Variants in MED12 observed in about 807,000 individuals in gnomAD.
The protein encoded by MED12 is mediator complex subunit 12.
A neutral mutation model predicts 177.7 loss-of-function variants in MED12; 10 were observed. The observed-to-expected ratio is 0.06, with a 90% CI of 0.03 to 0.10. MED12 has a LOEUF of 0.10. Ranked by LOEUF, MED12 falls within the 10% of genes least tolerant of loss-of-function variation. MED12 has a pLI of 1.00. For synonymous variants in MED12, 641 were observed against 678.4 expected (o/e 0.94, Z 0.86); for missense variants, 867 against 1,780.8 (o/e 0.49, Z 9.23).
chrX:71,130,956 G>A lies in MED12; in HGVS notation c.4048-594G>A, dbSNP rs550189185. Among the ~76,000 whole-genome samples, 92 of 112,232 alleles carry A rather than the reference G, an allele frequency of 8.2e-4. 1 individual carries two copies. The South Asian group carries it at 0.015, about 19-fold the overall frequency. ...AAGGTTCTGTCAGGGACTTTGAGCA[G>A]CTGGTCTAAAACAAGAGAAGCAGGC... On this transcript the variant is annotated intron_variant, in intron 28 of 44. Coordinates refer to ENST00000374080, the MANE Select transcript of MED12 (RefSeq NM_005120.3).
Position 71,126,095 on chromosome X carries a change from G to A in MED12, c.2482G>A (p.Asp828Asn). The change falls in exon 18 of 45, where the codon GAT (aspartate) becomes AAT (asparagine). Residue 828 changes from aspartate (D) to asparagine (N), a missense_variant. By Grantham distance (23) the Asp-to-Asn change is conservative. Transcript: ENST00000374080. ...GCCTGAAGCCTTCCCCACTGCTGAA[G>A]ATATCTTTGCTAAGTTCCAGCACCT... is the stretch of plus-strand genomic sequence containing the variant. ...NRPEAFPTAE[D>N]IFAKFQHLSH... The A allele has an allele frequency of 8.3e-7, 1 of 1,211,846 alleles. No homozygotes were observed. The highest frequency in any genetic ancestry group is 1.1e-6 in the Non-Finnish European group (1 of 895,361).
At chrX:71,138,767 A>G (rs1395632670) in intron 41 of MED12, among the ~76,000 whole-genome samples, 1 of 110,469 alleles carries the variant, frequency 9.1e-6, no homozygotes, top group Non-Finnish European at 1.9e-5. Context: ...AAAAAAAAGA[A>G]GAAAGAAAAG....
rs1569482033 is a variant in MED12 at position 71,133,230 on chromosome X, G to A, written c.4617+18G>A. ...TCAACCTGGTGAGAAGGCCAGCTGG[G>A]GAGAAGAAGGAAGAGGGTAGGGCTG... On this transcript the variant is annotated intron_variant, in intron 33 of 44. Coordinates refer to ENST00000374080, the MANE Select transcript of MED12 (RefSeq NM_005120.3). 1.8e-6 allele frequency: 2 copies of A among 1,102,874 alleles called. No homozygotes were observed. Among genetic ancestry groups the A allele is most frequent in the Non-Finnish European group, 2.5e-6 (2 of 796,491 alleles). 90.9% of individuals were successfully genotyped at this position (1,102,874 alleles called of 1,213,427 possible).
In MED12 at chrX:71,134,483, C is replaced by G. The variant is rs748703121; in HGVS notation, c.4727+17C>G. The G allele has an allele frequency of 9.7e-7, 1 of 1,035,654 alleles. No individual in the cohort carries two copies. Among genetic ancestry groups the G allele is most frequent in the South Asian group, 2.0e-5 (1 of 50,103 alleles). 85.3% of individuals were successfully genotyped at this position (1,035,654 alleles called of 1,213,427 possible). ...GTCCAACAAGTAAAGCATCCCCACCCGCTCCCTGCAGTTTCATACCCAAGA... is the reference window on the plus strand; with the variant it reads ...GTCCAACAAGTAAAGCATCCCCACCGGCTCCCTGCAGTTTCATACCCAAGA... On this transcript the variant is annotated intron_variant, in intron 34 of 44. Coordinates refer to ENST00000374080, the MANE Select transcript of MED12 (RefSeq NM_005120.3).
chrX:71,139,471 C>T (rs775232430), intron 41 of MED12, among the ~76,000 whole-genome samples: 1 of 110,800 alleles, frequency 9.0e-6, no homozygotes, highest in South Asian at 3.8e-4. Context: ...GAGAGATGGC[C>T]TTGAATGCTC....
At chrX:71,135,952 C>T (rs2092331161) in intron 36 of MED12, among the ~76,000 whole-genome samples, 1 of 109,200 alleles carries the variant, frequency 9.2e-6, no homozygotes, top group Non-Finnish European at 1.9e-5. Flanking sequence ...CAATCCCTCT[C>T]CCTCCCCGCT....
At chrX:71,125,279 G>A in intron 15 of MED12, 72 bp from the exon 16 acceptor site, 1 of 1,201,440 alleles carries the variant, frequency 8.3e-7, no homozygotes. Flanking sequence ...GGATGCTGAG[G>A]GGTGTGGAGC....
chrX:71,126,916 C>A, intron 19 of MED12, 53 bp from the exon 20 acceptor site: 1 of 1,165,690 alleles, frequency 8.6e-7, no homozygotes, highest in Non-Finnish European at 1.2e-6. Context: ...AAGGTGGTTT[C>A]TATGTAACAC....
In MED12 at chrX:71,140,717, C is replaced by T. The variant is rs1187648751; in HGVS notation, c.6127C>T (p.Arg2043Cys). The T allele has an allele frequency of 4.1e-6, 5 of 1,211,151 alleles. No homozygotes were observed. The highest frequency in any genetic ancestry group is 4.5e-6 in the Non-Finnish European group (4 of 895,414). Residue 2043 changes from arginine (R) to cysteine (C), a missense_variant, in exon 42 of 45, where the codon CGT becomes TGT. This residue lies in a region of MED12 where 236 missense variants were observed against 345.2 expected (regional missense o/e 0.68). Coordinates refer to ENST00000374080, the MANE Select transcript of MED12 (RefSeq NM_005120.3). ...TGCCCAGGGCGTCCAGGCAGGCGTC[C>T]GTTCAACAGCCATCCTACCTGAGCA... ...MSAQGVQAGV[R>C]STAILPEQQQ...
chrX:71,137,178 C>T lies in MED12; in HGVS notation c.5552-9C>T. On this transcript the variant is annotated splice_polypyrimidine_tract_variant and intron_variant, in intron 38 of 44. Transcript: ENST00000374080. ...AGGAGCCTAGAGGTCAGCCCACTCT[C>T]CTTTTCAGGTGGCCCTCGTGTGGAC... 8.3e-7 allele frequency: 1 copy of T among 1,211,468 alleles called. No homozygotes were observed. Among genetic ancestry groups the T allele is most frequent in the African/African-American group, 1.7e-5 (1 of 57,838 alleles).
chrX:71,129,926 C>A, intron 27 of MED12, 71 bp downstream of exon 27: 1 of 1,178,043 alleles, frequency 8.5e-7, no homozygotes, highest in South Asian at 1.8e-5. Flanking sequence ...AGCCCATGAT[C>A]ACACCAGCTC....
At position 71,134,550 on chromosome X, in the gene MED12, G is replaced by A; in HGVS notation, c.4727+84G>A. The A allele has an allele frequency of 4.3e-6, 4 of 922,487 alleles. No individual in the cohort carries two copies. In the South Asian group the frequency reaches 8.1e-5, roughly 19 times the overall value. 76.0% of individuals were successfully genotyped at this position (922,487 alleles called of 1,213,427 possible). On this transcript the variant is annotated intron_variant, in intron 34 of 44. Coordinates refer to ENST00000374080, the MANE Select transcript of MED12 (RefSeq NM_005120.3). ...ATGCCAGGTGCACCCACTGAGATTG[G>A]TGTGGCTGTTACTGTGGACTCCGTG...
rs1569481201 is a variant in MED12, at chrX:71,123,866, C to G, written c.1744+146C>G. On this transcript the variant is annotated intron_variant, in intron 12 of 44. Transcript: ENST00000374080. ...GACTTTTAGATGTAGTTCTAGTGATCCTCTTTAACTGGTCATCTTACAGTT... is the reference window on the plus strand; with the variant it reads ...GACTTTTAGATGTAGTTCTAGTGATGCTCTTTAACTGGTCATCTTACAGTT... The G allele has an allele frequency of 9.6e-6, 6 of 627,436 alleles. No individual in the cohort carries two copies. The East Asian group carries it at 2.1e-4, about 22-fold the overall frequency. The allele number at this position is 627,436 out of a possible 1,213,427, so 51.7% of individuals were successfully genotyped here. A position where few individuals can be genotyped will look rare whatever the true frequency, so the allele number is the denominator to read the frequency against.
chrX:71,133,100 T>C (rs2092322865), intron 32 of MED12, 23 bp from the exon 33 acceptor site: 6 of 1,116,412 alleles, frequency 5.4e-6, no homozygotes, highest in Non-Finnish European at 7.4e-6. Flanking sequence ...CTGAGCTGCA[T>C]ATTTTATTTG....
rs762890019 is a variant in MED12, at chrX:71,140,620, C to T, written c.6045-15C>T. 5 of 1,211,177 alleles carry T rather than the reference C, an allele frequency of 4.1e-6. No individual in the cohort carries two copies. In the East Asian group the frequency reaches 1.5e-4, roughly 36 times the overall value. ...CTCCCTCATGCCTTGACCTCTGACC[C>T]TCTTATCTTTGGAGGTTTTCACACC... On this transcript the variant is annotated splice_polypyrimidine_tract_variant and intron_variant, in intron 41 of 44. Coordinates refer to ENST00000374080, the MANE Select transcript of MED12 (RefSeq NM_005120.3).
rs192331892 is a variant in MED12 at position 71,125,099 on chromosome X, G to A, written c.2179G>A (p.Asp727Asn). Residue 727 changes from aspartate to asparagine, a missense_variant, in exon 15 of 45, where the codon GAC (aspartate) becomes AAC (asparagine). By Grantham distance (23) the Asp-to-Asn change is conservative. Around this residue, in one of 14 missense-constraint regions of MED12, gnomAD observed 309 missense variants for 556.3 expected, o/e 0.56. Coordinates refer to ENST00000374080, the MANE Select transcript of MED12 (RefSeq NM_005120.3). ...KIEGTLGVLY[D>N]QPRHVQYATH... ...TGAAGGGACCCTTGGGGTTCTTTAC[G>A]ACCAGCCACGACACGTGCAGTACGC... 5.8e-6 allele frequency: 7 copies of A among 1,208,694 alleles called. No individual in the cohort carries two copies. In the African/African-American group the frequency reaches 1.1e-4, roughly 18 times the overall value.
intron 35 of MED12, 61 bp from the exon 36 acceptor site, chrX:71,135,031 A>C: frequency 8.3e-7 from 1 of 1,197,805 alleles, no homozygotes; most frequent in Non-Finnish European, 1.1e-6. Context: ...CTGTCCCCTG[A>C]GACTTCCCAT....
chrX:71,123,281 G>T, intron 11 of MED12, 55 bp downstream of exon 11: 1 of 1,186,020 alleles, frequency 8.4e-7, no homozygotes, highest in South Asian at 1.8e-5. Flanking sequence ...AATTTACTGC[G>T]GTTGGAGACC....
chrX:71,138,046 C>T (rs949780063), intron 41 of MED12, 103 bp downstream of exon 41: 46 of 810,719 alleles, frequency 5.7e-5, no homozygotes, highest in Middle Eastern at 2.8e-4. Flanking sequence ...TCAGAACTTT[C>T]GGAGACATCA....
Sources: allele counts gnomAD v4.1 joint callset (sites outside exome capture counted in the v4.1 genomes callset), GRCh38; gene constraint gnomAD v4.1.1; regional missense constraint gnomAD v4.1.1; transcripts MANE v1.5; gene names NCBI Gene and HGNC (gene_info 2026-07-23, HGNC 2026-07-21).